CELF1: variants seen among roughly 807,000 people sequenced by gnomAD.
CELF1 encodes the protein CUGBP Elav-like family member 1, also known as 50 kDa nuclear polyadenylated RNA-binding protein.
CELF1 carries 10 observed loss-of-function variants against 61.8 expected under a neutral mutation model. The observed-to-expected ratio is 0.16, with a 90% CI of 0.10 to 0.27. The LOEUF (loss-of-function observed/expected upper bound fraction) is 0.27. CELF1 is among the 10% of genes least tolerant of loss of function. The pLI, the probability that CELF1 is intolerant of heterozygous loss-of-function variation, is 1.00. For missense variants in CELF1, 380 were observed against 639.1 expected, an observed-to-expected ratio of 0.59 and a Z score of 4.37; for synonymous variants, 236 against 225.1, an observed-to-expected ratio of 1.05 and a Z score of -0.43.
chr11:47,536,885 C>T (rs1191815562), intron 1 of CELF1, among the ~76,000 whole-genome samples: 1 of 152,144 alleles, frequency 6.6e-6, no homozygotes, highest in Non-Finnish European at 1.5e-5. Context: ...TATTTCCCAT[C>T]AGCTTGAAAG....
At chr11:47,490,919 T>C (rs1565804312) in intron 3 of CELF1, among the ~76,000 whole-genome samples, 2 of 151,692 alleles carry the variant, frequency 1.3e-5, no homozygotes. Flanking sequence ...TGGAGTGCAA[T>C]GGTGCCATCT....
intron 6 of CELF1, 58 bp from the exon 7 acceptor site, chr11:47,484,581 C>T: frequency 1.3e-6 from 2 of 1,522,724 alleles, no homozygotes; most frequent in South Asian, 2.4e-5. Context: ...CAATGTGGCA[C>T]AGATTTGGGA....
At chr11:47,553,828 C>G (rs1424013652), upstream of CELF1, among the ~76,000 whole-genome samples, 1 of 135,264 alleles carries the variant, frequency 7.4e-6, no homozygotes, top group Non-Finnish European at 1.7e-5. Context: ...ATTTTTTTTT[C>G]TTAACTCAGG....
At chr11:47,517,183 C>A (rs2095601705) in intron 1 of CELF1, among the ~76,000 whole-genome samples, 2 of 148,608 alleles carry the variant, frequency 1.3e-5, no homozygotes. Flanking sequence ...GGAGGTCGGG[C>A]TGCAGTGAAC....
At chr11:47,505,592 G>A (rs1034680333) in intron 1 of CELF1, among the ~76,000 whole-genome samples, 10 of 149,288 alleles carry the variant, frequency 6.7e-5, no homozygotes, top group East Asian at 5.9e-4. Flanking sequence ...GCAGTGAGCC[G>A]AGATCGTGCC....
chr11:47,550,563 C>T (rs2097112657), intron 1 of CELF1, among the ~76,000 whole-genome samples: 1 of 151,944 alleles, frequency 6.6e-6, no homozygotes, highest in South Asian at 2.1e-4. Context: ...CTAAGATAAG[C>T]CTATTTTGGG....
chr11:47,549,150 C>T (rs2097066497), intron 1 of CELF1, among the ~76,000 whole-genome samples: 1 of 152,088 alleles, frequency 6.6e-6, no homozygotes, highest in African/African-American at 2.4e-5. Flanking sequence ...CCCTTGTGTA[C>T]TACTGGCAAG....
intron 13 of CELF1, 37 bp downstream of exon 13, chr11:47,475,298 GC>G: frequency 6.3e-7 from 1 of 1,599,850 alleles, no homozygotes; most frequent in Non-Finnish European, 8.5e-7. Context: ...GAGGAAAACC[GC>G]CCCCCATACC....
At chr11:47,549,474 A>G (rs1405205416) in intron 1 of CELF1, among the ~76,000 whole-genome samples, 1 of 152,196 alleles carries the variant, frequency 6.6e-6, no homozygotes, top group Non-Finnish European at 1.5e-5. Flanking sequence ...ATATATACAC[A>G]ATGGAGTATT....
rs192569638 is a variant in CELF1 at position 47,470,617 on chromosome 11, A to C, written c.*1613T>G. ...CCCACAGGGACAGCATGACAAGGAG[A>C]GAGCCCCCATCTGACTTAATAGCAA... On this transcript the variant is annotated 3_prime_UTR_variant, in exon 15 of 15. Coordinates refer to ENST00000687097, the MANE Select transcript of CELF1 (RefSeq NM_001376376.1). 5 of 152,404 alleles carry C rather than the reference A, an allele frequency of 3.3e-5. No individual in the cohort carries two copies. The East Asian group carries it at 9.6e-4, about 29-fold the overall frequency. 9.4% of individuals were successfully genotyped at this position (152,404 alleles called of 1,614,324 possible). A position where few individuals can be genotyped will look rare whatever the true frequency, so the allele number is the denominator to read the frequency against.
chr11:47,538,721 A>C (rs2096699452), intron 1 of CELF1, among the ~76,000 whole-genome samples: 1 of 152,170 alleles, frequency 6.6e-6, no homozygotes, highest in Non-Finnish European at 1.5e-5. Context: ...ATTACAGGGA[A>C]TGTTTACATT....
chr11:47,504,518 G>A (rs1339374409), intron 1 of CELF1, among the ~76,000 whole-genome samples: 1 of 152,086 alleles, frequency 6.6e-6, no homozygotes, highest in Non-Finnish European at 1.5e-5. Context: ...GGTCAACGCT[G>A]CAGTGATACT....
chr11:47,521,241 G>A (rs1477911973), intron 1 of CELF1, among the ~76,000 whole-genome samples: 1 of 152,192 alleles, frequency 6.6e-6, no homozygotes, highest in East Asian at 1.9e-4. Flanking sequence ...GACTGAGAGA[G>A]ACTCCGTCTC....
intron 1 of CELF1, among the ~76,000 whole-genome samples, chr11:47,505,770 T>A (rs2094439549): frequency 6.8e-6 from 1 of 146,104 alleles, no homozygotes; most frequent in African/African-American, 2.5e-5. Context: ...CTACTAAAAA[T>A]ACAAAAATAC....
chr11:47,541,823 AAAG>A (rs1565904979), intron 1 of CELF1, among the ~76,000 whole-genome samples: 1 of 149,536 alleles, frequency 6.7e-6, no homozygotes, highest in Non-Finnish European at 1.5e-5. Flanking sequence ...AGAAAGAAAG[AAAG>A]AAAGAAAGAA....
chr11:47,493,513 GAAAAAAAA>G lies in CELF1; in HGVS notation c.72-4497_72-4490del, dbSNP rs35976407. ...ACAGAGCAAGACTCCATCTCAAAAAGAAAAAAAAAAAAAAAAAAAAAAGGGCGTGCACA... is the reference window on the plus strand; with the variant it reads ...ACAGAGCAAGACTCCATCTCAAAAAGAAAAAAAAAAAAAAGGGCGTGCACA... On this transcript the variant is annotated intron_variant, in intron 3 of 14. Transcript: ENST00000687097. Among the ~76,000 whole-genome samples the G allele has an allele frequency of 4.7e-5, 4 of 84,912 alleles. No homozygotes were observed. The South Asian group carries it at 1.3e-3, about 27-fold the overall frequency. 55.7% of individuals were successfully genotyped at this position (84,912 alleles called of 152,430 possible).
intron 1 of CELF1, among the ~76,000 whole-genome samples, chr11:47,541,703 AAAG>A (rs1565904198): frequency 0.16 from 320 of 2,064 alleles, 14 homozygotes; most frequent in Middle Eastern, 0.5. Context: ...AGAAAGAAAG[AAAG>A]AAAGAAAGAA....
At chr11:47,475,095 T>C (rs1201856616) in intron 13 of CELF1, among the ~76,000 whole-genome samples, 1 of 152,216 alleles carries the variant, frequency 6.6e-6, no homozygotes, top group East Asian at 1.9e-4. Context: ...TGTTGCTTCA[T>C]CTAAAAACTG....
chr11:47,509,916 G>A (rs928481631), intron 1 of CELF1, among the ~76,000 whole-genome samples: 40 of 133,842 alleles, frequency 3.0e-4, no homozygotes, highest in African/African-American at 1.0e-3. Flanking sequence ...AAAAAAAATG[G>A]CCGGACATGG....
Sources: gnomAD v4.1 joint callset for allele counts (sites outside exome capture counted in the v4.1 genomes callset) on GRCh38, gnomAD v4.1.1 for gene constraint, MANE v1.5 for transcripts, NCBI Gene and HGNC (gene_info 2026-07-23, HGNC 2026-07-21) for gene names.